Variants in ENTPD1 observed in about 807,000 individuals in gnomAD.
ENTPD1 encodes ATP diphosphohydrolase.
Under a neutral mutation model 57.0 loss-of-function variants are expected in ENTPD1, and 33 were observed. That is an observed-to-expected ratio of 0.58 (90% CI 0.44 to 0.77). The LOEUF is 0.77. Ranked by LOEUF, ENTPD1 falls within the 30% of genes least tolerant of loss-of-function variation. ENTPD1 has a pLI of 0.00. For missense variants in ENTPD1, 501 were observed against 603.4 expected (o/e 0.83, Z 1.78); for synonymous variants, 202 against 218.8 (o/e 0.92, Z 0.68).
chr10:95,862,222 C>G (rs1230195618), intron 8 of ENTPD1, among the ~76,000 whole-genome samples: 1 of 152,064 alleles, frequency 6.6e-6, no homozygotes, highest in Non-Finnish European at 1.5e-5. Context: ...AGGGTTAGAC[C>G]CCTGTCTTCA....
chr10:95,715,186 A>T (rs2139813737), intron 1 of ENTPD1, among the ~76,000 whole-genome samples: 1 of 152,118 alleles, frequency 6.6e-6, no homozygotes, highest in South Asian at 2.1e-4. Context: ...ACTGAGTCAT[A>T]CCCTCTTGTC....
In ENTPD1 at chr10:95,868,068, T is replaced by C; in HGVS notation, c.*1685T>C. Reference sequence around the variant, plus strand: ...AGCATTTGTGGTGTACCACGCTGTGTGCTCAAGGGTATTACATTCATCTTC... The same window carrying C: ...AGCATTTGTGGTGTACCACGCTGTGCGCTCAAGGGTATTACATTCATCTTC... On this transcript the variant is annotated 3_prime_UTR_variant, in exon 10 of 10. Transcript: ENST00000371205. The C allele has an allele frequency of 2.0e-6, 2 of 984,852 alleles. No homozygotes were observed. Among genetic ancestry groups the C allele is most frequent in the Non-Finnish European group, 2.4e-6 (2 of 829,362 alleles). 61.0% of individuals were successfully genotyped at this position (984,852 alleles called of 1,614,324 possible). A position where few individuals can be genotyped will look rare whatever the true frequency, so the allele number is the denominator to read the frequency against.
intron 1 of ENTPD1, among the ~76,000 whole-genome samples, chr10:95,808,929 A>G (rs1213699022): frequency 6.6e-6 from 1 of 152,040 alleles, no homozygotes; most frequent in East Asian, 1.9e-4. Context: ...ATGACTCTTA[A>G]CTAGCATGCT....
Position 95,869,193 on chromosome 10 carries a change from T to C in ENTPD1, c.*2810T>C. The C allele has an allele frequency of 1.0e-6, 1 of 985,084 alleles. No homozygotes were observed. Among genetic ancestry groups the C allele is most frequent in the Non-Finnish European group, 1.2e-6 (1 of 829,842 alleles). 61.0% of individuals were successfully genotyped at this position (985,084 alleles called of 1,614,324 possible). A position where few individuals can be genotyped will look rare whatever the true frequency, so the allele number is the denominator to read the frequency against. Reference sequence around the variant, plus strand: ...AGATTCCTTTATAAGGTGGGAGTTTTTTTTCTATGAACCTATAGGGGAGAA... The same window carrying C: ...AGATTCCTTTATAAGGTGGGAGTTTCTTTTCTATGAACCTATAGGGGAGAA... On this transcript the variant is annotated 3_prime_UTR_variant, in exon 10 of 10. Coordinates refer to ENST00000371205, the MANE Select transcript of ENTPD1 (RefSeq NM_001776.6).
chr10:95,803,464 A>G (rs899131894), intron 1 of ENTPD1, among the ~76,000 whole-genome samples: 1 of 152,194 alleles, frequency 6.6e-6, no homozygotes, highest in African/African-American at 2.4e-5. Flanking sequence ...ACCAGTGATG[A>G]TGAGCATTTT....
At chr10:95,806,199 CT>C (rs1231611739) in intron 1 of ENTPD1, among the ~76,000 whole-genome samples, 1 of 152,162 alleles carries the variant, frequency 6.6e-6, no homozygotes, top group Non-Finnish European at 1.5e-5. Context: ...TCTTTTTACT[CT>C]TTTTTCTTTA....
chr10:95,739,008 T>C (rs1365138476), intron 1 of ENTPD1, among the ~76,000 whole-genome samples: 1 of 152,214 alleles, frequency 6.6e-6, no homozygotes, highest in African/African-American at 2.4e-5. Flanking sequence ...AAATTATGTT[T>C]ACATTATATT....
At chr10:95,865,469 G>A (rs1423504586) in intron 9 of ENTPD1, among the ~76,000 whole-genome samples, 1 of 152,192 alleles carries the variant, frequency 6.6e-6, no homozygotes, top group African/African-American at 2.4e-5. Context: ...AATACCCAGA[G>A]CAGTGTGTCT....
rs148175550 is a variant in ENTPD1 at position 95,791,756 on chromosome 10, A to G, written c.17-31481A>G. ...CTGGGGGTAGAGGTGTTAAAAGTGA[A>G]CAGTGCCTGGGCCCCATGCTAGAAA... On this transcript the variant is annotated intron_variant, in intron 1 of 9. Transcript: ENST00000371205. The surrounding 1 kb of genome is among the most constrained non-coding windows in gnomAD (Gnocchi z 4.1). 0.015 allele frequency among the ~76,000 whole-genome samples: 2,308 copies of G among 152,300 alleles called. 23 individuals are homozygous for G. The highest frequency in any genetic ancestry group is 0.023 in the Non-Finnish European group (1,575 of 68,016).
intron 7 of ENTPD1, among the ~76,000 whole-genome samples, chr10:95,855,615 C>G (rs1007951645): frequency 2.6e-5 from 4 of 152,082 alleles, no homozygotes; most frequent in African/African-American, 9.7e-5. Context: ...TTCAGGAGCT[C>G]TTTTAGGGCA....
chr10:95,753,288 A>G (rs866725150), upstream of ENTPD1: 1 of 152,190 alleles, frequency 6.6e-6, no homozygotes. Flanking sequence ...TTTTATAATT[A>G]TTCTTGTATG....
rs375705285 is a variant in ENTPD1, at chr10:95,823,225, T to A, written c.17-12T>A. Reference sequence around the variant, plus strand: ...TCTTGTTGGTATTTTTTTCTTCTGCTTTTGGTTTTAGAGTCTAACGTGAAG... The same window carrying A: ...TCTTGTTGGTATTTTTTTCTTCTGCATTTGGTTTTAGAGTCTAACGTGAAG... On this transcript the variant is annotated splice_polypyrimidine_tract_variant and intron_variant, in intron 1 of 9. Transcript: ENST00000371205. 10 of 1,613,768 alleles carry A rather than the reference T, an allele frequency of 6.2e-6. No homozygotes were observed. In the African/African-American group the frequency reaches 1.3e-4, roughly 22 times the overall value.
intron 5 of ENTPD1, 80 bp downstream of exon 5, chr10:95,844,715 A>T: frequency 6.6e-7 from 1 of 1,522,210 alleles, no homozygotes; most frequent in Non-Finnish European, 9.1e-7. Flanking sequence ...TTGGGTCGCT[A>T]GCCAGAATGA....
At chr10:95,743,236 C>T (rs2098002305) in intron 1 of ENTPD1, among the ~76,000 whole-genome samples, 1 of 152,188 alleles carries the variant, frequency 6.6e-6, no homozygotes, top group South Asian at 2.1e-4. Flanking sequence ...ATATCTTTCT[C>T]ATGATTAGGC....
At chr10:95,843,386 GATAATA>G (rs951550768) in intron 4 of ENTPD1, 1 of 152,196 alleles carries the variant, frequency 6.6e-6, no homozygotes, top group Non-Finnish European at 1.5e-5. Flanking sequence ...AAATAATAAT[GATAATA>G]ATAGTAGCAG....
chr10:95,777,100 G>C (rs1224093063), intron 1 of ENTPD1, among the ~76,000 whole-genome samples: 1 of 152,190 alleles, frequency 6.6e-6, no homozygotes, highest in African/African-American at 2.4e-5. Context: ...GGAGGAATTT[G>C]TCATTACCAA....
At chr10:95,759,519 T>C (rs959783958) in intron 1 of ENTPD1, among the ~76,000 whole-genome samples, 1 of 152,212 alleles carries the variant, frequency 6.6e-6, no homozygotes, top group Non-Finnish European at 1.5e-5. Flanking sequence ...TAATGTACTC[T>C]GGTAATGAAA....
chr10:95,847,594 A>G lies in ENTPD1; in HGVS notation c.962A>G (p.Asn321Ser). ...FQQFEIQGIG[N>S]YQQCHQSILE... ...CAGTTTGAAATCCAGGGTATTGGAA[A>G]CTATCAACAATGCCATCAAAGCATC... is the stretch of plus-strand genomic sequence containing the variant. The change falls in exon 7 of 10, where the codon AAC becomes AGC. Residue 321 changes from asparagine to serine, a missense_variant. Asn to Ser is a conservative substitution (Grantham distance 46). Transcript: ENST00000371205. The G allele has an allele frequency of 6.2e-7, 1 of 1,614,160 alleles. No individual in the cohort carries two copies. Among genetic ancestry groups the G allele is most frequent in the South Asian group, 1.1e-5 (1 of 91,076 alleles).
At chr10:95,816,561 C>T (rs534332927) in intron 1 of ENTPD1, among the ~76,000 whole-genome samples, 4 of 152,020 alleles carry the variant, frequency 2.6e-5, no homozygotes, top group South Asian at 4.2e-4. Flanking sequence ...GAGAAGGAAA[C>T]GTGACACAAA....
Sources: gnomAD v4.1 joint callset for allele counts (sites outside exome capture counted in the v4.1 genomes callset) on GRCh38, gnomAD v4.1.1 for gene constraint, Gnocchi (gnomAD v3.1) non-coding constraint, MANE v1.5 for transcripts, NCBI Gene and HGNC (gene_info 2026-07-23, HGNC 2026-07-21) for gene names.